MGAM2: variants seen among roughly 807,000 people sequenced by gnomAD.
The protein encoded by MGAM2 is maltase-glucoamylase 2 (putative).
A neutral mutation model predicts 96.1 loss-of-function variants in MGAM2; 98 were observed. The ratio of observed to expected loss-of-function variants is 1.02; its 90% CI spans 0.87 to 1.21. The LOEUF (loss-of-function observed/expected upper bound fraction) is 1.21, where lower values mean the gene tolerates loss of function less well. Among genes scored for constraint, MGAM2 ranks in the 50% most tolerant of loss-of-function variants. The pLI is 0.00. For missense variants in MGAM2, 2,055 were observed against 1,182.4 expected, an observed-to-expected ratio of 1.74 and a Z score of -10.82; for synonymous variants, 749 against 414.8, an observed-to-expected ratio of 1.81 and a Z score of -9.79.
chr7:142,174,733 T>TTTTA (rs1554509447), intron 31 of MGAM2, among the ~76,000 whole-genome samples: 1 of 143,624 alleles, frequency 7.0e-6, no homozygotes, highest in African/African-American at 2.7e-5. Flanking sequence ...TTTTTTTTTT[T>TTTTA]GAGTTGGAGT....
At chr7:142,219,765 GGAAT>G in intron 47 of MGAM2, 101 bp from the exon 48 acceptor site, 1 of 609,990 alleles carries the variant, frequency 1.6e-6, no homozygotes, top group Non-Finnish European at 2.9e-6. Context: ...TTACTGGAAA[GGAAT>G]GAATCCATCA....
intron 1 of MGAM2, among the ~76,000 whole-genome samples, chr7:142,114,212 A>AAGAAAGAAAGAG (rs1291990105): frequency 5.6e-5 from 6 of 107,204 alleles, no homozygotes; most frequent in East Asian, 3.3e-4. Flanking sequence ...GAAAGAAAGA[A>AAGAAAGAAAGAG]AGAGAGAAAG....
intron 14 of MGAM2, among the ~76,000 whole-genome samples, chr7:142,145,919 C>T (rs1225422904): frequency 6.6e-6 from 1 of 152,108 alleles, no homozygotes; most frequent in East Asian, 1.9e-4. Flanking sequence ...GTTGGGCACC[C>T]GAACAGTCAG....
chr7:142,174,737 T>A (rs113242867), intron 31 of MGAM2, among the ~76,000 whole-genome samples: 45,859 of 107,254 alleles, frequency 0.43, 11,880 homozygotes, highest in African/African-American at 0.64. Flanking sequence ...TTTTTTTGAG[T>A]TGGAGTCTCC....
At chr7:142,127,810 T>A (rs1794770852) in intron 3 of MGAM2, among the ~76,000 whole-genome samples, 1 of 152,232 alleles carries the variant, frequency 6.6e-6, no homozygotes, top group African/African-American at 2.4e-5. Context: ...GTCCATTAAA[T>A]GTCTTTCCTT....
At chr7:142,113,380 A>ATT (rs1817240976) in intron 1 of MGAM2, among the ~76,000 whole-genome samples, 1 of 152,154 alleles carries the variant, frequency 6.6e-6, no homozygotes, top group African/African-American at 2.4e-5. Flanking sequence ...AGATCCATTA[A>ATT]AGGCTTGAAT....
At chr7:142,130,448 G>A (rs974302790) in intron 3 of MGAM2, among the ~76,000 whole-genome samples, 1 of 152,200 alleles carries the variant, frequency 6.6e-6, no homozygotes, top group African/African-American at 2.4e-5. Flanking sequence ...CAAGAAATGT[G>A]TGGTTTTTCT....
At chr7:142,134,260 G>T (rs1794990719) in intron 7 of MGAM2, 108 bp downstream of exon 7, 2 of 471,630 alleles carry the variant, frequency 4.2e-6, no homozygotes, top group South Asian at 8.1e-5. Flanking sequence ...CACTTTAGAT[G>T]TGTTAGTGTT....
At chr7:142,194,696 A>ATGTGTG (rs72262078) in intron 37 of MGAM2, among the ~76,000 whole-genome samples, 60 of 138,458 alleles carry the variant, frequency 4.3e-4, no homozygotes, top group East Asian at 3.8e-3. Context: ...ACATGTGTGT[A>ATGTGTG]TGTGTGTGTG....
intron 32 of MGAM2, among the ~76,000 whole-genome samples, chr7:142,176,633 G>A (rs1224910429): frequency 6.6e-6 from 1 of 152,068 alleles, no homozygotes; most frequent in Non-Finnish European, 1.5e-5. Flanking sequence ...GAGAATAATT[G>A]GGGCAGGTAT....
intron 23 of MGAM2, among the ~76,000 whole-genome samples, chr7:142,164,016 G>T (rs774433726): frequency 1.7e-3 from 252 of 152,038 alleles, no homozygotes; most frequent in Non-Finnish European, 2.3e-3. Context: ...AAAAAATATA[G>T]TCTTACCTTT....
In MGAM2 at chr7:142,179,858, G is replaced by A. The variant is rs114696210; in HGVS notation, c.3817-3408G>A. Among the ~76,000 whole-genome samples, 1,397 of 152,096 alleles carry A rather than the reference G, an allele frequency of 9.2e-3. 12 individuals are homozygous for A. The highest frequency in any genetic ancestry group is 0.028 in the African/African-American group (1,144 of 41,496). On this transcript the variant is annotated intron_variant, in intron 32 of 47. Transcript: ENST00000477922. ...TGTCTCTGCCAGATATTGATATCAG[G>A]ATGATGTTGGCTTTGTATAATCAGT...
intron 26 of MGAM2, 86 bp downstream of exon 26, chr7:142,167,572 A>T (rs1796066109): frequency 4.5e-6 from 3 of 672,206 alleles, no homozygotes; most frequent in Middle Eastern, 2.5e-4. Context: ...GAAACAATTA[A>T]AACATTTTTT....
In MGAM2 at chr7:142,212,663, C is replaced by A. The variant is rs148906893; in HGVS notation, c.5187+4041C>A. The stretch of plus-strand genomic sequence containing the variant: ...ACCATAAATATATATGCACCCAATA[C>A]AGAAGCACCCACATTCATAAGGCAA... On this transcript the variant is annotated intron_variant, in intron 46 of 47. Coordinates refer to ENST00000477922, the MANE Select transcript of MGAM2 (RefSeq NM_001293626.2). Among the ~76,000 whole-genome samples the A allele has an allele frequency of 2.8e-4, 43 of 152,296 alleles. No homozygotes were observed. In the East Asian group the frequency reaches 6.0e-3, roughly 21 times the overall value.
chr7:142,143,028 G>A (rs1200990031), intron 12 of MGAM2, among the ~76,000 whole-genome samples: 2 of 152,156 alleles, frequency 1.3e-5, no homozygotes, highest in African/African-American at 2.4e-5. Flanking sequence ...CATTTACTGT[G>A]GGTATTTCAA....
chr7:142,192,232 C>T (rs1246824102), intron 37 of MGAM2, among the ~76,000 whole-genome samples: 1 of 152,178 alleles, frequency 6.6e-6, no homozygotes, highest in Non-Finnish European at 1.5e-5. Context: ...ATTCTTCTTC[C>T]CTTTCCCACT....
chr7:142,206,416 A>T (rs544705355), intron 45 of MGAM2, among the ~76,000 whole-genome samples: 19 of 152,300 alleles, frequency 1.2e-4, no homozygotes, highest in African/African-American at 4.6e-4. Flanking sequence ...AGATAACTAC[A>T]TGATCTCTAA....
intron 46 of MGAM2, among the ~76,000 whole-genome samples, chr7:142,209,557 C>G (rs1001141557): frequency 6.6e-6 from 1 of 152,346 alleles, no homozygotes; most frequent in South Asian, 2.1e-4. Context: ...TACCTAGTCA[C>G]TTTAACCAAG....
At chr7:142,187,299 G>GA (rs1293343381) in intron 35 of MGAM2, among the ~76,000 whole-genome samples, 3 of 152,144 alleles carry the variant, frequency 2.0e-5, no homozygotes, top group African/African-American at 7.2e-5. Context: ...ACTGGACTAA[G>GA]AAAAAATAGA....
Sources: gnomAD v4.1 joint callset for allele counts (sites outside exome capture counted in the v4.1 genomes callset) on GRCh38, gnomAD v4.1.1 for gene constraint, MANE v1.5 for transcripts, NCBI Gene and HGNC (gene_info 2026-07-23, HGNC 2026-07-21) for gene names.